Variants in EPB41L4A observed in about 807,000 individuals in gnomAD.
EPB41L4A encodes band 4.1-like protein 4A.
A neutral mutation model predicts 108.6 loss-of-function variants in EPB41L4A; 100 were observed. The ratio of observed to expected loss-of-function variants is 0.92; its 90% confidence interval spans 0.78 to 1.09. The LOEUF (loss-of-function observed/expected upper bound fraction) is 1.09. EPB41L4A is among the 50% of genes least tolerant of loss of function. EPB41L4A has a pLI of 0.00. For missense variants in EPB41L4A, 1,030 were observed against 842.7 expected (o/e 1.22, Z -2.75); for synonymous variants, 319 against 289.0 (o/e 1.10, Z -1.05).
intron 1 of EPB41L4A, among the ~76,000 whole-genome samples, chr5:112,366,605 C>T (rs753226676): frequency 7.2e-5 from 11 of 151,990 alleles, no homozygotes; most frequent in Non-Finnish European, 1.3e-4. Flanking sequence ...GGGAGGACAC[C>T]GAGAAATAAG....
intron 1 of EPB41L4A, among the ~76,000 whole-genome samples, chr5:112,321,329 A>G (rs560469564): frequency 6.6e-6 from 1 of 152,324 alleles, no homozygotes; most frequent in African/African-American, 2.4e-5. Context: ...CTGCAGTAAC[A>G]CAATGACCAA....
intron 1 of EPB41L4A, among the ~76,000 whole-genome samples, chr5:112,370,501 C>G (rs1468905655): frequency 6.6e-6 from 1 of 152,152 alleles, no homozygotes; most frequent in Non-Finnish European, 1.5e-5. Flanking sequence ...CCCTCCTAAT[C>G]AAATTAGACA....
chr5:112,327,047 C>T (rs144198739), intron 1 of EPB41L4A, among the ~76,000 whole-genome samples: 1 of 152,126 alleles, frequency 6.6e-6, no homozygotes, highest in Admixed American at 6.5e-5. Context: ...TGTGTCCCCA[C>T]AAGGCAAGAG....
intron 18 of EPB41L4A, among the ~76,000 whole-genome samples, chr5:112,178,436 A>T (rs557510330): frequency 6.6e-6 from 1 of 152,266 alleles, no homozygotes; most frequent in Non-Finnish European, 1.5e-5. Context: ...CAATCTGAAC[A>T]CTATCAGCTA....
At chr5:112,342,882 G>A (rs1466196242) in intron 1 of EPB41L4A, among the ~76,000 whole-genome samples, 1 of 152,196 alleles carries the variant, frequency 6.6e-6, no homozygotes, top group Non-Finnish European at 1.5e-5. Context: ...AGTCAATCTT[G>A]TCACCATAAA....
chr5:112,407,354 C>G (rs1487344743), intron 1 of EPB41L4A, among the ~76,000 whole-genome samples: 1 of 152,162 alleles, frequency 6.6e-6, no homozygotes, highest in Non-Finnish European at 1.5e-5. Context: ...GATTGTAGTT[C>G]AATTCCACAA....
chr5:112,202,276 T>A lies in EPB41L4A; in HGVS notation c.1376+2099A>T, dbSNP rs954940042. Among the ~76,000 whole-genome samples the A allele has an allele frequency of 3.9e-5, 6 of 152,116 alleles. No homozygotes were observed. In the East Asian group the frequency reaches 1.2e-3, roughly 29 times the overall value. On this transcript the variant is annotated intron_variant, in intron 15 of 22. Coordinates refer to ENST00000261486, the MANE Select transcript of EPB41L4A (RefSeq NM_022140.5). ...AGCATTGTCAGCAGCAAGCACAGGC[T>A]CAGGATTGCCTGCTCAAAGGTGGAA...
chr5:112,310,636 A>G (rs1754989092), intron 1 of EPB41L4A, among the ~76,000 whole-genome samples: 1 of 152,248 alleles, frequency 6.6e-6, no homozygotes, highest in African/African-American at 2.4e-5. Flanking sequence ...TGGGAATAAA[A>G]GATGAGTATA....
chr5:112,214,231 A>G (rs762853556), intron 12 of EPB41L4A, among the ~76,000 whole-genome samples: 1 of 152,210 alleles, frequency 6.6e-6, no homozygotes, highest in Non-Finnish European at 1.5e-5. Flanking sequence ...TATGTACCAC[A>G]GAACAGTTCC....
chr5:112,389,819 C>G (rs553230005), intron 1 of EPB41L4A, among the ~76,000 whole-genome samples: 3 of 152,246 alleles, frequency 2.0e-5, no homozygotes, highest in Admixed American at 6.5e-5. Flanking sequence ...TATACGTTAT[C>G]TCACTTGATC....
chr5:112,183,997 A>G lies in EPB41L4A; in HGVS notation c.1622+19T>C, dbSNP rs375933331. The G allele has an allele frequency of 2.5e-5, 41 of 1,613,554 alleles. No homozygotes were observed. Among genetic ancestry groups the G allele is most frequent in the Non-Finnish European group, 3.5e-5 (41 of 1,179,772 alleles). ...AAATTCAGTGTTTTTGAATCAAGGT[A>G]TAAAAAGAGTCCACATACGAACGAG... On this transcript the variant is annotated intron_variant, in intron 18 of 22. Coordinates refer to ENST00000261486, the MANE Select transcript of EPB41L4A (RefSeq NM_022140.5).
intron 1 of EPB41L4A, among the ~76,000 whole-genome samples, chr5:112,354,526 T>C (rs1178672213): frequency 1.3e-5 from 2 of 152,142 alleles, no homozygotes; most frequent in African/African-American, 4.8e-5. Flanking sequence ...TTTAGTTAGA[T>C]AAGGAAGGGT....
chr5:112,405,063 G>A (rs1761999610), intron 1 of EPB41L4A, among the ~76,000 whole-genome samples: 1 of 152,180 alleles, frequency 6.6e-6, no homozygotes, highest in Non-Finnish European at 1.5e-5. Flanking sequence ...TCTCTCACAC[G>A]AGTGGTGTGA....
chr5:112,326,481 T>C (rs1210874248), intron 1 of EPB41L4A, among the ~76,000 whole-genome samples: 1 of 152,198 alleles, frequency 6.6e-6, no homozygotes, highest in Non-Finnish European at 1.5e-5. Flanking sequence ...AAAAACACTT[T>C]TTTCCATCTG....
In EPB41L4A at chr5:112,264,880, G is replaced by T. The variant is rs774332939; in HGVS notation, c.554+16C>A. The stretch of plus-strand genomic sequence containing the variant: ...CTGATGGATGATGCAATAAGACATG[G>T]TGTAATGATTCTTACATTAGAGTTT... On this transcript the variant is annotated intron_variant, in intron 6 of 22. Coordinates refer to ENST00000261486, the MANE Select transcript of EPB41L4A (RefSeq NM_022140.5). The T allele has an allele frequency of 6.2e-7, 1 of 1,604,974 alleles. No homozygotes were observed. The highest frequency in any genetic ancestry group is 1.1e-5 in the South Asian group (1 of 88,460).
intron 1 of EPB41L4A, 46 bp downstream of exon 1, chr5:112,418,895 C>T (rs573991369): frequency 3.3e-6 from 5 of 1,507,000 alleles, no homozygotes; most frequent in South Asian, 1.1e-5. Context: ...GACCCCCGCA[C>T]CCGCCCTGCC....
chr5:112,417,343 T>C (rs1336957166), intron 1 of EPB41L4A, among the ~76,000 whole-genome samples: 2 of 152,246 alleles, frequency 1.3e-5, no homozygotes, highest in African/African-American at 4.8e-5. Flanking sequence ...GAAGCTCACA[T>C]TCCAGATGAC....
At chr5:112,174,553 T>A (rs1458315030) in intron 18 of EPB41L4A, among the ~76,000 whole-genome samples, 6 of 152,204 alleles carry the variant, frequency 3.9e-5, no homozygotes, top group Non-Finnish European at 8.8e-5. Flanking sequence ...TGATGACACA[T>A]CATTCACAAA....
At chr5:112,259,785 C>T in intron 8 of EPB41L4A, 106 bp downstream of exon 8, 1 of 783,596 alleles carries the variant, frequency 1.3e-6, no homozygotes, top group East Asian at 2.5e-5. Flanking sequence ...TTATTTATCA[C>T]CCACTGGAAA....
Sources: gnomAD v4.1 joint callset for allele counts (sites outside exome capture counted in the v4.1 genomes callset) on GRCh38, gnomAD v4.1.1 for gene constraint, MANE v1.5 for transcripts, NCBI Gene and HGNC (gene_info 2026-07-23, HGNC 2026-07-21) for gene names.